HDAC9: variants seen among roughly 807,000 people sequenced by gnomAD.
HDAC9 encodes MEF-2 interacting transcription repressor (MITR) protein.
Under a neutral mutation model 139.4 loss-of-function variants are expected in HDAC9, and 41 were observed. That is an observed-to-expected ratio of 0.29 (90% CI 0.23 to 0.38). HDAC9 has a LOEUF of 0.38. Among genes scored for constraint, HDAC9 ranks in the 10% least tolerant of loss-of-function variants. HDAC9 has a pLI of 1.00. For missense variants in HDAC9, 1,147 were observed against 1,297.0 expected, an observed-to-expected ratio of 0.88 and a Z score of 1.78; for synonymous variants, 517 against 476.2, an observed-to-expected ratio of 1.09 and a Z score of -1.12.
At chr7:18,577,956 A>G (rs1826526106) in intron 2 of HDAC9, among the ~76,000 whole-genome samples, 1 of 152,266 alleles carries the variant, frequency 6.6e-6, no homozygotes, top group Admixed American at 6.5e-5. Context: ...AAACCTTGGC[A>G]GCTGTCCCCT....
intron 2 of HDAC9, among the ~76,000 whole-genome samples, chr7:18,568,026 G>GTGTATATATATAGATATATATA (rs1384273199): frequency 7.9e-6 from 1 of 126,814 alleles, no homozygotes; most frequent in Non-Finnish European, 1.6e-5. Context: ...ATATGTATAT[G>GTGTATATATATAGATATATATA]TATATATATA....
intron 16 of HDAC9, among the ~76,000 whole-genome samples, chr7:18,772,852 GA>G (rs1462067696): frequency 6.6e-6 from 1 of 151,908 alleles, no homozygotes; most frequent in Non-Finnish European, 1.5e-5. Context: ...CTCAGACTTC[GA>G]AAAAATGCAT....
At chr7:18,890,945 C>G (rs914490326) in intron 22 of HDAC9, among the ~76,000 whole-genome samples, 2 of 152,152 alleles carry the variant, frequency 1.3e-5, no homozygotes, top group African/African-American at 2.4e-5. Flanking sequence ...ATTTATTTAG[C>G]TGACCTGTAC....
intron 2 of HDAC9, among the ~76,000 whole-genome samples, chr7:18,184,864 T>A (rs1789781900): frequency 6.6e-6 from 1 of 152,226 alleles, no homozygotes; most frequent in African/African-American, 2.4e-5. Flanking sequence ...AGTCACATTT[T>A]TATTAAAATT....
intron 2 of HDAC9, among the ~76,000 whole-genome samples, chr7:18,205,704 T>C (rs1375257055): frequency 6.6e-6 from 1 of 152,132 alleles, no homozygotes; most frequent in Admixed American, 6.5e-5. Context: ...TATTGTCTGT[T>C]TCATCTTTTT....
intron 1 of HDAC9, among the ~76,000 whole-genome samples, chr7:18,133,188 A>G (rs1007981232): frequency 6.6e-6 from 1 of 152,144 alleles, no homozygotes; most frequent in Admixed American, 6.6e-5. Context: ...AGAAATATGA[A>G]CTCTGGCTCA....
intron 1 of HDAC9, among the ~76,000 whole-genome samples, chr7:18,343,021 T>C (rs554740983): frequency 6.6e-6 from 1 of 151,930 alleles, no homozygotes; most frequent in Admixed American, 6.6e-5. Context: ...TGAAATTCCC[T>C]ATCCGGAGAA....
At chr7:18,572,242 G>A (rs1824534910) in intron 2 of HDAC9, among the ~76,000 whole-genome samples, 1 of 150,394 alleles carries the variant, frequency 6.6e-6, no homozygotes, top group African/African-American at 2.5e-5. Flanking sequence ...TGAGAGGGAA[G>A]TTTTGTTAGT....
chr7:18,530,039 G>A (rs1808357030), intron 2 of HDAC9, among the ~76,000 whole-genome samples: 2 of 152,040 alleles, frequency 1.3e-5, no homozygotes, highest in African/African-American at 4.8e-5. Flanking sequence ...GGGGGGGTGT[G>A]GCAGGAGGAT....
intron 24 of HDAC9, among the ~76,000 whole-genome samples, chr7:18,961,609 C>T (rs1447560166): frequency 6.6e-6 from 1 of 152,160 alleles, no homozygotes; most frequent in Non-Finnish European, 1.5e-5. Flanking sequence ...AAATTATTTA[C>T]ACAATACAAA....
chr7:18,759,508 G>C (rs1000123295), intron 14 of HDAC9, among the ~76,000 whole-genome samples: 2 of 151,948 alleles, frequency 1.3e-5, no homozygotes, highest in Non-Finnish European at 2.9e-5. Flanking sequence ...GGACCATCTA[G>C]TTGCAGGAAA....
chr7:18,871,468 C>G (rs1289552224), intron 21 of HDAC9, among the ~76,000 whole-genome samples: 1 of 152,086 alleles, frequency 6.6e-6, no homozygotes, highest in Non-Finnish European at 1.5e-5. Context: ...TATATACTAA[C>G]CCATGGATAC....
At chr7:18,861,213 C>T (rs908380817) in intron 21 of HDAC9, among the ~76,000 whole-genome samples, 1 of 152,112 alleles carries the variant, frequency 6.6e-6, no homozygotes, top group Admixed American at 6.6e-5. Flanking sequence ...TAATTACATT[C>T]TACATTTCTC....
At chr7:18,521,029 T>C (rs562629272) in intron 2 of HDAC9, among the ~76,000 whole-genome samples, 70 of 152,256 alleles carry the variant, frequency 4.6e-4, no homozygotes, top group African/African-American at 1.6e-3. Context: ...GAGAGAAAAA[T>C]AGAGGTTTGA....
At chr7:18,220,944 AAAG>A (rs1792657225) in intron 2 of HDAC9, among the ~76,000 whole-genome samples, 1 of 152,182 alleles carries the variant, frequency 6.6e-6, no homozygotes. Context: ...GTTGTTTTAA[AAAG>A]AAGAAATTAA....
chr7:18,699,070 C>T (rs1783264244), intron 12 of HDAC9, among the ~76,000 whole-genome samples: 1 of 152,158 alleles, frequency 6.6e-6, no homozygotes, highest in African/African-American at 2.4e-5. Context: ...AAAAGTGTGA[C>T]ACAGCAGTGA....
intron 2 of HDAC9, among the ~76,000 whole-genome samples, chr7:18,195,605 G>C (rs572079638): frequency 3.3e-4 from 50 of 152,220 alleles, no homozygotes; most frequent in African/African-American, 1.1e-3. Flanking sequence ...GGGTTCCACT[G>C]TTCTTGGTCA....
chr7:18,647,814 G>C lies in HDAC9; in HGVS notation c.1065G>C (p.Lys355Asn). Residue 355 changes from lysine to asparagine, a missense_variant, in exon 10 of 26, where the codon AAG becomes AAC. By Grantham distance (94) the Lys-to-Asn change is moderately conservative. This residue lies in a region of HDAC9 where 264 missense variants were observed against 273.8 expected (regional missense o/e 0.96). Transcript: ENST00000686413. ...CGAATTCACTCAAAGAAAAGCAGAAGTGTGAGACGCAGACGCTTAGGCAAG... is the reference window on the plus strand; with the variant it reads ...CGAATTCACTCAAAGAAAAGCAGAACTGTGAGACGCAGACGCTTAGGCAAG... ...NASNSLKEKQKCETQTLRQGV... is the reference protein window; with the variant it reads ...NASNSLKEKQNCETQTLRQGV... The C allele has an allele frequency of 6.2e-7, 1 of 1,611,364 alleles. No individual in the cohort carries two copies. Among genetic ancestry groups the C allele is most frequent in the Non-Finnish European group, 8.5e-7 (1 of 1,178,728 alleles).
chr7:18,655,532 C>A (rs1433737923), intron 11 of HDAC9, among the ~76,000 whole-genome samples: 1 of 152,130 alleles, frequency 6.6e-6, no homozygotes, highest in African/African-American at 2.4e-5. Context: ...ACAAGGAATT[C>A]ATATAGATGT....
Sources: allele counts gnomAD v4.1 joint callset (sites outside exome capture counted in the v4.1 genomes callset), GRCh38; gene constraint gnomAD v4.1.1; regional missense constraint gnomAD v4.1.1; transcripts MANE v1.5; gene names NCBI Gene and HGNC (gene_info 2026-07-23, HGNC 2026-07-21).